Variants in PIK3C2A observed in about 807,000 individuals in gnomAD.
PIK3C2A encodes phosphatidylinositol 4-phosphate 3-kinase C2 domain-containing subunit alpha.
In PIK3C2A, 97 loss-of-function variants were observed where a neutral mutation model predicts 204.5. The ratio of observed to expected loss-of-function variants is 0.47; its 90% CI spans 0.40 to 0.56. The LOEUF (loss-of-function observed/expected upper bound fraction) is 0.56, where lower values mean the gene tolerates loss of function less well. Ranked by LOEUF, PIK3C2A falls within the 20% of genes least tolerant of loss-of-function variation. The pLI is 0.00. For missense variants in PIK3C2A, 1,735 were observed against 1,969.2 expected, an observed-to-expected ratio of 0.88 and a Z score of 2.25; for synonymous variants, 653 against 664.4, an observed-to-expected ratio of 0.98 and a Z score of 0.26.
chr11:17,196,741 TC>T (rs1329185297), intron 1 of PIK3C2A, among the ~76,000 whole-genome samples: 1 of 151,892 alleles, frequency 6.6e-6, no homozygotes, highest in Non-Finnish European at 1.5e-5. Context: ...GACTAATTTT[TC>T]TGTATTTTTA....
chr11:17,170,469 T>C (rs1466793733), intron 1 of PIK3C2A, among the ~76,000 whole-genome samples: 2 of 152,218 alleles, frequency 1.3e-5, no homozygotes, highest in African/African-American at 2.4e-5. Flanking sequence ...TATAGCTGAA[T>C]TGGCCATATA....
chr11:17,117,707 GGTTTTTTTT>G, intron 18 of PIK3C2A, 36 bp from the exon 19 acceptor site: 1 of 532,484 alleles, frequency 1.9e-6, no homozygotes, highest in Non-Finnish European at 2.9e-6. Context: ...GTCACGTCTT[GGTTTTTTTT>G]TTTTTTTTTT....
At chr11:17,100,249 C>CGGA (rs796174072) in intron 25 of PIK3C2A, among the ~76,000 whole-genome samples, 14 of 46,490 alleles carry the variant, frequency 3.0e-4, no homozygotes, top group African/African-American at 1.2e-3. Context: ...TTTTTGGGGG[C>CGGA]GGGGGGGGGG....
In PIK3C2A at chr11:17,169,429, G is replaced by T; in HGVS notation, c.313C>A (p.Leu105Met). 6.2e-7 allele frequency: 1 copy of T among 1,614,100 alleles called. No homozygotes were observed. The highest frequency in any genetic ancestry group is 1.1e-5 in the South Asian group (1 of 91,082). Reference sequence around the variant, plus strand: ...TTTTTAGTCTCGAAACTGTCATCCAGCAATAGTTTCTCAAGTTCAGCTTGG... The same window carrying T: ...TTTTTAGTCTCGAAACTGTCATCCATCAATAGTTTCTCAAGTTCAGCTTGG... ...LTQAELEKLL[L>M]DDSFETKKTP... The change falls in exon 2 of 33, where the codon CTG (leucine) becomes ATG (methionine). Residue 105 changes from leucine to methionine, a missense_variant. Physicochemically the swap from Leu to Met is conservative, Grantham distance 15 (BLOSUM62 2). Transcript: ENST00000691414.
At chr11:17,164,618 A>G (rs1384962204) in intron 2 of PIK3C2A, among the ~76,000 whole-genome samples, 4 of 152,332 alleles carry the variant, frequency 2.6e-5, no homozygotes, top group East Asian at 3.9e-4. Flanking sequence ...TGATCAAGTC[A>G]TATTATTGCT....
intron 20 of PIK3C2A, among the ~76,000 whole-genome samples, chr11:17,113,768 C>A: frequency 1.6e-5 from 2 of 124,138 alleles, no homozygotes; most frequent in African/African-American, 3.1e-5. Context: ...AGTGACAGAG[C>A]AAGACTCCAT....
intron 13 of PIK3C2A, among the ~76,000 whole-genome samples, chr11:17,123,850 T>C (rs903173850): frequency 3.3e-5 from 5 of 152,198 alleles, no homozygotes; most frequent in African/African-American, 7.2e-5. Flanking sequence ...TTCAAAGATA[T>C]TGACATATCT....
chr11:17,204,383 A>G (rs1035190467), intron 1 of PIK3C2A: 4 of 152,262 alleles, frequency 2.6e-5, no homozygotes, highest in African/African-American at 9.6e-5. Flanking sequence ...ATCCTGAATA[A>G]GGAAAATGGA....
Position 17,096,801 on chromosome 11 carries a change from TTC to T in PIK3C2A, c.4326+254_4326+255del, listed in dbSNP as rs373519266. ...AACTTTGACTTTTTACTTTACATAC[TTC>T]TCTATTGATTAAATTTGTTACAACA... On this transcript the variant is annotated intron_variant, in intron 27 of 32. Transcript: ENST00000691414. 3.7e-4 allele frequency among the ~76,000 whole-genome samples: 57 copies of T among 152,354 alleles called. 1 individual carries two copies. The South Asian group carries it at 0.012, about 31-fold the overall frequency.
chr11:17,103,716 C>CAG (rs562939577), intron 23 of PIK3C2A, among the ~76,000 whole-genome samples: 163 of 152,240 alleles, frequency 1.1e-3, no homozygotes, highest in African/African-American at 3.7e-3. Context: ...AAAACTGAAA[C>CAG]AGAGGTTGTT....
chr11:17,142,766 T>C (rs1733196246), intron 8 of PIK3C2A, among the ~76,000 whole-genome samples: 1 of 152,150 alleles, frequency 6.6e-6, no homozygotes. Context: ...AACTGACTAC[T>C]GAATTCAGGA....
chr11:17,139,389 G>A (rs780466240), intron 8 of PIK3C2A, among the ~76,000 whole-genome samples: 3 of 151,242 alleles, frequency 2.0e-5, no homozygotes, highest in Admixed American at 6.6e-5. Context: ...CACCATGCCC[G>A]GCTAATTTTT....
rs1851058417 is a variant in PIK3C2A at position 17,168,788 on chromosome 11, A to G, written c.954T>C (p.His318=). ...ATTTTCCATTCACCTTTCTTTCAAG[A>G]TGACAATTTGCTGTCGATCTCTCTT... The part of the protein sequence containing the change: ...LLEERSTANC[H]LERKVNGKSL... Residue 318 remains histidine, a synonymous_variant, in exon 2 of 33, where the codon CAT becomes CAC. Coordinates refer to ENST00000691414, the MANE Select transcript of PIK3C2A (RefSeq NM_002645.4). 5 of 1,614,022 alleles carry G rather than the reference A, an allele frequency of 3.1e-6. No individual in the cohort carries two copies. The highest frequency in any genetic ancestry group is 1.6e-4 in the Middle Eastern group (1 of 6,062).
At chr11:17,144,660 C>T (rs1850170271) in intron 8 of PIK3C2A, among the ~76,000 whole-genome samples, 1 of 151,848 alleles carries the variant, frequency 6.6e-6, no homozygotes, top group Admixed American at 6.6e-5. Context: ...TTTAGATGGC[C>T]AAGGTGGGAG....
chr11:17,175,898 A>C (rs2137508180), intron 1 of PIK3C2A, among the ~76,000 whole-genome samples: 1 of 152,362 alleles, frequency 6.6e-6, no homozygotes, highest in East Asian at 1.9e-4. Flanking sequence ...AAGACAACTA[A>C]GAAAACTAAA....
At chr11:17,138,323 TCC>T in intron 8 of PIK3C2A, 1 of 426,108 alleles carries the variant, frequency 2.3e-6, no homozygotes. Flanking sequence ...ACAGCCAGCT[TCC>T]TTTTTTTTTT....
chr11:17,145,613 A>T, intron 8 of PIK3C2A, 55 bp downstream of exon 8: 2 of 1,013,880 alleles, frequency 2.0e-6, no homozygotes, highest in South Asian at 1.4e-5. Flanking sequence ...CATTTAAGAG[A>T]AAGAAGCAGC....
At chr11:17,190,493 C>T (rs1212096980) in intron 1 of PIK3C2A, among the ~76,000 whole-genome samples, 1 of 151,286 alleles carries the variant, frequency 6.6e-6, no homozygotes, top group Non-Finnish European at 1.5e-5. Flanking sequence ...ATCACTTGAA[C>T]CCAGGAGGCA....
chr11:17,094,918 G>C (rs1383137816), intron 27 of PIK3C2A, among the ~76,000 whole-genome samples: 1 of 152,086 alleles, frequency 6.6e-6, no homozygotes, highest in Non-Finnish European at 1.5e-5. Context: ...TACATTTTAA[G>C]AGTGATCATA....
Sources: gnomAD v4.1 joint callset for allele counts (sites outside exome capture counted in the v4.1 genomes callset) on GRCh38, gnomAD v4.1.1 for gene constraint, MANE v1.5 for transcripts, NCBI Gene and HGNC (gene_info 2026-07-23, HGNC 2026-07-21) for gene names.